Variants in RPH3A observed in about 807,000 individuals in gnomAD.
RPH3A encodes rabphilin 3A, also known as rabphilin-3A.
A neutral mutation model predicts 102.2 loss-of-function variants in RPH3A; 48 were observed. The observed-to-expected ratio is 0.47, with a 90% CI of 0.37 to 0.60. RPH3A has a LOEUF of 0.60. Ranked by LOEUF, RPH3A falls within the 20% of genes least tolerant of loss-of-function variation. RPH3A has a pLI of 0.00. For synonymous variants in RPH3A, 310 were observed against 324.3 expected (o/e 0.96, Z 0.47); for missense variants, 781 against 910.1 (o/e 0.86, Z 1.83).
chr12:112,728,921 C>T (rs995444628), intron 1 of RPH3A, among the ~76,000 whole-genome samples: 1 of 152,130 alleles, frequency 6.6e-6, no homozygotes, highest in Non-Finnish European at 1.5e-5. Context: ...GGGAACTTCC[C>T]AGAACCAGAG....
chr12:112,594,041 G>A (rs144042948), intron 1 of RPH3A, among the ~76,000 whole-genome samples: 234 of 152,288 alleles, frequency 1.5e-3, no homozygotes, highest in African/African-American at 5.4e-3. Flanking sequence ...CTGGTACATA[G>A]TAAATGCTCA....
At chr12:112,617,231 A>C (rs1248516540) in intron 1 of RPH3A, among the ~76,000 whole-genome samples, 4 of 152,198 alleles carry the variant, frequency 2.6e-5, no homozygotes, top group African/African-American at 9.7e-5. Context: ...CTGGGGTCAG[A>C]GATGGCGAGT....
chr12:112,655,163 G>C (rs1223921498), intron 1 of RPH3A, among the ~76,000 whole-genome samples: 1 of 152,224 alleles, frequency 6.6e-6, no homozygotes. Flanking sequence ...GTCCTTAAAA[G>C]CCTTGAAACC....
chr12:112,704,773 A>C (rs2040417591), intron 1 of RPH3A, among the ~76,000 whole-genome samples: 1 of 152,128 alleles, frequency 6.6e-6, no homozygotes, highest in South Asian at 2.1e-4. Flanking sequence ...AATCTCTTTA[A>C]TATTCTGACT....
intron 1 of RPH3A, among the ~76,000 whole-genome samples, chr12:112,592,137 G>A (rs1476016116): frequency 6.6e-6 from 1 of 152,112 alleles, no homozygotes; most frequent in African/African-American, 2.4e-5. Context: ...AGCACTTTGG[G>A]AGGCTGAGGT....
At chr12:112,766,706 A>G (rs1193511141) in intron 1 of RPH3A, among the ~76,000 whole-genome samples, 1 of 152,172 alleles carries the variant, frequency 6.6e-6, no homozygotes, top group Non-Finnish European at 1.5e-5. Flanking sequence ...GAACTCCCAG[A>G]CATGTTAGGC....
chr12:112,825,700 T>C (rs1247622661), intron 2 of RPH3A, among the ~76,000 whole-genome samples: 1 of 152,110 alleles, frequency 6.6e-6, no homozygotes, highest in Non-Finnish European at 1.5e-5. Context: ...TATGCTAGTG[T>C]TGGAGATTAA....
chr12:112,879,071 G>A (rs1254745018), intron 13 of RPH3A, 48 bp from the exon 14 acceptor site: 2 of 1,476,412 alleles, frequency 1.4e-6, no homozygotes, highest in Admixed American at 1.7e-5. Context: ...AATGTTTGCT[G>A]AGTGACTGAA....
chr12:112,712,992 TG>T, intron 1 of RPH3A, among the ~76,000 whole-genome samples: 1 of 104,536 alleles, frequency 9.6e-6, no homozygotes, highest in Non-Finnish European at 2.0e-5. Flanking sequence ...TCGTCGTCTT[TG>T]TCTTCCTCTT....
chr12:112,668,001 T>C (rs1321788997), intron 1 of RPH3A, among the ~76,000 whole-genome samples: 2 of 152,208 alleles, frequency 1.3e-5, no homozygotes, highest in Non-Finnish European at 2.9e-5. Context: ...TCAGATCAAA[T>C]GTCTCTTCCT....
At position 112,722,145 on chromosome 12, in the gene RPH3A, A is replaced by T. The variant is rs113127219; in HGVS notation, c.-139-69998A>T. On this transcript the variant is annotated intron_variant, in intron 1 of 21. Coordinates refer to the RPH3A transcript ENST00000543106. ...CGCCCTGGAAATGGATTGAAGGTTG[A>T]TTGGGAGAGCTTTTGCTCATTAGGC... Among the ~76,000 whole-genome samples the T allele has an allele frequency of 8.1e-3, 1,228 of 152,346 alleles. 21 individuals are homozygous for T. The highest frequency in any genetic ancestry group is 0.028 in the African/African-American group (1,160 of 41,568).
At chr12:112,808,685 T>C (rs2041514461) in intron 2 of RPH3A, among the ~76,000 whole-genome samples, 1 of 152,180 alleles carries the variant, frequency 6.6e-6, no homozygotes, top group Non-Finnish European at 1.5e-5. Flanking sequence ...AAGTGGCGGT[T>C]CTCAGAATGC....
intron 1 of RPH3A, among the ~76,000 whole-genome samples, chr12:112,736,483 G>C (rs1265612832): frequency 2.0e-5 from 3 of 152,214 alleles, no homozygotes; most frequent in Non-Finnish European, 4.4e-5. Context: ...CTGGCACATA[G>C]TAAGTGCTGC....
intron 1 of RPH3A, among the ~76,000 whole-genome samples, chr12:112,723,412 T>C (rs1040919709): frequency 1.3e-5 from 2 of 152,266 alleles, no homozygotes; most frequent in Non-Finnish European, 2.9e-5. Context: ...TATTGATCTA[T>C]ACTGTAAGTT....
At chr12:112,843,943 G>T (rs1209454630) in intron 4 of RPH3A, among the ~76,000 whole-genome samples, 2 of 152,126 alleles carry the variant, frequency 1.3e-5, no homozygotes, top group Non-Finnish European at 2.9e-5. Context: ...AAAGTAATGG[G>T]AAGAAACAGC....
intron 1 of RPH3A, among the ~76,000 whole-genome samples, chr12:112,670,983 G>A (rs1255690216): frequency 1.3e-5 from 2 of 151,964 alleles, no homozygotes; most frequent in Non-Finnish European, 2.9e-5. Flanking sequence ...GACCATGAAT[G>A]CAATTAATCA....
At position 112,646,714 on chromosome 12, in the gene RPH3A, C is replaced by T. The variant is rs565728921; in HGVS notation, c.-140+71395C>T. On this transcript the variant is annotated intron_variant, in intron 1 of 21. Coordinates refer to the RPH3A transcript ENST00000543106. The stretch of plus-strand genomic sequence containing the variant: ...CCTCTCTGAGCCTCCATTTTTCCAT[C>T]CCTAATGTTAATTCCACTTTTCAAT... Among the ~76,000 whole-genome samples the T allele has an allele frequency of 6.6e-5, 10 of 152,304 alleles. No individual in the cohort carries two copies. The East Asian group carries it at 1.9e-3, about 29-fold the overall frequency.
chr12:112,866,170 C>T (rs1432538904), intron 6 of RPH3A, among the ~76,000 whole-genome samples: 2 of 152,192 alleles, frequency 1.3e-5, no homozygotes, highest in Non-Finnish European at 2.9e-5. Flanking sequence ...TCATCTCCAG[C>T]TTGATGTCAC....
intron 1 of RPH3A, among the ~76,000 whole-genome samples, chr12:112,588,116 T>C (rs2039451227): frequency 1.3e-5 from 2 of 152,240 alleles, no homozygotes; most frequent in African/African-American, 4.8e-5. Context: ...ATGTCTATCA[T>C]TCCTTTTATT....
Sources: allele counts gnomAD v4.1 joint callset (sites outside exome capture counted in the v4.1 genomes callset), GRCh38; gene constraint gnomAD v4.1.1; transcripts MANE v1.5; gene names NCBI Gene and HGNC (gene_info 2026-07-23, HGNC 2026-07-21).